Variants in USH2A observed in about 807,000 individuals in gnomAD.
The protein encoded by USH2A is usherin, also known as Usher syndrome 2A (autosomal recessive, mild).
In USH2A, 443 loss-of-function variants were observed where a neutral mutation model predicts 538.9. The observed-to-expected ratio is 0.82, with a 90% CI of 0.76 to 0.89. The LOEUF is 0.89. USH2A is among the 40% of genes least tolerant of loss of function. USH2A has a pLI of 0.00. For missense variants in USH2A, 6,633 were observed against 6,324.8 expected (o/e 1.05, Z -1.65); for synonymous variants, 2,413 against 2,273.5 (o/e 1.06, Z -1.75).
chr1:216,212,964 A>G (rs2035272279), intron 15 of USH2A, among the ~76,000 whole-genome samples: 1 of 152,128 alleles, frequency 6.6e-6, no homozygotes, highest in Non-Finnish European at 1.5e-5. Context: ...CATGAAACTC[A>G]TGAGACACTG....
chr1:216,013,973 T>C (rs1456347367), intron 32 of USH2A, among the ~76,000 whole-genome samples: 1 of 152,162 alleles, frequency 6.6e-6, no homozygotes, highest in Non-Finnish European at 1.5e-5. Flanking sequence ...CTTTTTTGAG[T>C]TCCAAGTTGT....
chr1:216,389,072 G>A (rs1488047924), intron 3 of USH2A, among the ~76,000 whole-genome samples: 2 of 152,194 alleles, frequency 1.3e-5, no homozygotes, highest in African/African-American at 2.4e-5. Flanking sequence ...GGAAGAGCTA[G>A]TGTAAGTGAA....
intron 44 of USH2A, among the ~76,000 whole-genome samples, chr1:215,863,553 T>C (rs1353130297): frequency 6.6e-6 from 1 of 152,192 alleles, no homozygotes; most frequent in African/African-American, 2.4e-5. Context: ...TTAATGATGA[T>C]ACCCTCATAC....
intron 37 of USH2A, among the ~76,000 whole-genome samples, chr1:215,964,392 A>G (rs1667280464): frequency 6.6e-6 from 1 of 152,190 alleles, no homozygotes; most frequent in Non-Finnish European, 1.5e-5. Flanking sequence ...AGTGCAGTAC[A>G]CAAATAACCA....
intron 32 of USH2A, among the ~76,000 whole-genome samples, chr1:216,013,280 G>A (rs199806572): frequency 0.59 from 83,709 of 141,672 alleles, 25,300 homozygotes; most frequent in East Asian, 0.73. Context: ...CTTACCACAA[G>A]ACCTCCCTTC....
intron 32 of USH2A, 33 bp downstream of exon 32, chr1:216,046,398 A>G: frequency 2.5e-6 from 4 of 1,612,620 alleles, no homozygotes; most frequent in Non-Finnish European, 3.4e-6. Context: ...AATATAGACT[A>G]TAACAATTCG....
chr1:215,931,647 G>A (rs1294757043), intron 38 of USH2A, among the ~76,000 whole-genome samples: 1 of 151,958 alleles, frequency 6.6e-6, no homozygotes, highest in Non-Finnish European at 1.5e-5. Flanking sequence ...GAGGGCCTGA[G>A]TAATAATAAG....
At chr1:215,947,744 G>A (rs1666793484) in intron 37 of USH2A, among the ~76,000 whole-genome samples, 1 of 152,074 alleles carries the variant, frequency 6.6e-6, no homozygotes, top group Non-Finnish European at 1.5e-5. Context: ...AGTACATAAA[G>A]GTAACTTTAT....
Position 215,934,710 on chromosome 1 carries a change from C to G in USH2A, c.7206G>C (p.Leu2402=), listed in dbSNP as rs201731826. The part of the protein sequence containing the change: ...ETNLWVLIDG[L]VPFTNYTVQV... ...GTACAGTATAGTTGGTAAAAGGAACCAGCCCATCGATGAGCACCCAAAGGT... is the reference window on the plus strand; with the variant it reads ...GTACAGTATAGTTGGTAAAAGGAACGAGCCCATCGATGAGCACCCAAAGGT... Residue 2402 remains leucine, a synonymous_variant, in exon 38 of 72, where the codon CTG becomes CTC. Coordinates refer to ENST00000307340, the MANE Select transcript of USH2A (RefSeq NM_206933.4). 1 of 1,612,782 alleles carries G rather than the reference C, an allele frequency of 6.2e-7. No homozygotes were observed. The highest frequency in any genetic ancestry group is 8.5e-7 in the Non-Finnish European group (1 of 1,179,130).
At chr1:216,190,478 C>A in intron 19 of USH2A, 111 bp from the exon 20 acceptor site, 2 of 1,347,318 alleles carry the variant, frequency 1.5e-6, no homozygotes, top group Non-Finnish European at 2.0e-6. Context: ...GAATTATTGC[C>A]AACCACCATT....
At chr1:216,279,600 A>T (rs952942371) in intron 11 of USH2A, among the ~76,000 whole-genome samples, 2 of 152,142 alleles carry the variant, frequency 1.3e-5, no homozygotes, top group Non-Finnish European at 2.9e-5. Context: ...TTCCTGAATG[A>T]GAATCTGTCT....
intron 30 of USH2A, among the ~76,000 whole-genome samples, chr1:216,064,428 C>T (rs2031285175): frequency 6.6e-6 from 1 of 151,764 alleles, no homozygotes; most frequent in African/African-American, 2.4e-5. Context: ...AACTGGAGTA[C>T]CCAGAGAAAA....
intron 67 of USH2A, among the ~76,000 whole-genome samples, chr1:215,642,476 G>A (rs1656716080): frequency 6.6e-6 from 1 of 152,186 alleles, no homozygotes; most frequent in South Asian, 2.1e-4. Context: ...CTCCAGTGGT[G>A]TGCTGAAGTT....
intron 58 of USH2A, among the ~76,000 whole-genome samples, chr1:215,747,987 G>A (rs1204692296): frequency 2.0e-5 from 3 of 151,670 alleles, no homozygotes; most frequent in African/African-American, 7.2e-5. Flanking sequence ...CGCCTCCCGG[G>A]TTCACGCCAT....
At chr1:216,020,286 G>C (rs997751570) in intron 32 of USH2A, among the ~76,000 whole-genome samples, 1 of 152,098 alleles carries the variant, frequency 6.6e-6, no homozygotes, top group Non-Finnish European at 1.5e-5. Flanking sequence ...TTGCTATAAA[G>C]TTATTATTTA....
In USH2A at chr1:216,380,746, T is replaced by C. The variant is rs147966707; in HGVS notation, c.652-15661A>G. Among the ~76,000 whole-genome samples, 809 of 152,260 alleles carry C rather than the reference T, an allele frequency of 5.3e-3. 10 individuals are homozygous for C. Among genetic ancestry groups the C allele is most frequent in the African/African-American group, 0.019 (783 of 41,560 alleles). ...CATGGAAAAGATAATTTTTTCAGGA[T>C]AAAGAGATGATTTAATATATAATTT... On this transcript the variant is annotated intron_variant, in intron 3 of 71. Transcript: ENST00000307340.
intron 64 of USH2A, among the ~76,000 whole-genome samples, chr1:215,660,228 T>A (rs1371118472): frequency 6.6e-6 from 1 of 152,218 alleles, no homozygotes; most frequent in African/African-American, 2.4e-5. Context: ...TTCTCACCTG[T>A]AAAATAGTGT....
chr1:216,073,788 A>G (rs1306045630), intron 27 of USH2A, among the ~76,000 whole-genome samples: 2 of 152,256 alleles, frequency 1.3e-5, no homozygotes, highest in East Asian at 3.8e-4. Context: ...GTAGAATACC[A>G]GGAGAGAGAA....
At position 216,000,569 on chromosome 1, in the gene USH2A, G is replaced by A. The variant is rs780813555; in HGVS notation, c.6326-7C>T. 1.2e-6 allele frequency: 2 copies of A among 1,613,006 alleles called. No homozygotes were observed. Among genetic ancestry groups the A allele is most frequent in the African/African-American group, 2.7e-5 (2 of 74,856 alleles). On this transcript the variant is annotated splice_region_variant and splice_polypyrimidine_tract_variant and intron_variant, in intron 32 of 71. Coordinates refer to ENST00000307340, the MANE Select transcript of USH2A (RefSeq NM_206933.4). ...GGTGTAAATACTGCTAAATCTAGGGGATAGGGAGAAACAAGAATTTACTCA... is the reference window on the plus strand; with the variant it reads ...GGTGTAAATACTGCTAAATCTAGGGAATAGGGAGAAACAAGAATTTACTCA...
Sources: gnomAD v4.1 joint callset for allele counts (sites outside exome capture counted in the v4.1 genomes callset) on GRCh38, gnomAD v4.1.1 for gene constraint, MANE v1.5 for transcripts, NCBI Gene and HGNC (gene_info 2026-07-23, HGNC 2026-07-21) for gene names.